Variants in ASIC1 observed in about 807,000 individuals in gnomAD.
The protein encoded by ASIC1 is acid sensing ion channel subunit 1.
In ASIC1, 21 loss-of-function variants were observed where a neutral mutation model predicts 63.4. The observed-to-expected ratio is 0.33, with a 90% CI of 0.23 to 0.48. The LOEUF (loss-of-function observed/expected upper bound fraction) is 0.48, where lower values mean the gene tolerates loss of function less well. Ranked by LOEUF, ASIC1 falls within the 20% of genes least tolerant of loss-of-function variation. ASIC1 has a pLI of 0.99. For synonymous variants in ASIC1, 258 were observed against 278.2 expected (o/e 0.93, Z 0.72); for missense variants, 478 against 695.5 (o/e 0.69, Z 3.52).
At chr12:50,069,586 G>A (rs1565727991) in intron 3 of ASIC1, among the ~76,000 whole-genome samples, 1 of 152,090 alleles carries the variant, frequency 6.6e-6, no homozygotes, top group East Asian at 1.9e-4. Context: ...AAGCCACCGC[G>A]CCCAGCCTCC....
At chr12:50,079,490 G>C (rs1404216865) in intron 7 of ASIC1, among the ~76,000 whole-genome samples, 1 of 152,158 alleles carries the variant, frequency 6.6e-6, no homozygotes, top group African/African-American at 2.4e-5. Context: ...AGGTCACCTG[G>C]GAATGGCCTT....
At chr12:50,061,822 G>A (rs564328166) in intron 3 of ASIC1, among the ~76,000 whole-genome samples, 2 of 152,336 alleles carry the variant, frequency 1.3e-5, no homozygotes, top group South Asian at 2.1e-4. Context: ...ACACTGAGAT[G>A]TGATTGGTCC....
At position 50,078,937 on chromosome 12, in the gene ASIC1, C is replaced by G; in HGVS notation, c.1008C>G (p.Tyr336Ter). The part of the protein sequence containing the change: ...RMVHMPGDAP[Y>*]CTPEQYKECA... ...TCTCCTCTGTAGGGGATGCCCCATA[C>G]TGTACTCCAGAGCAGTACAAGGAGT... Residue 336 changes from tyrosine to a stop codon, truncating the protein, a stop_gained, in exon 7 of 12, where the codon TAC becomes TAG. Transcript: ENST00000447966. LOFTEE classifies it high-confidence loss of function. This position sits in a 1 kb window ranked among gnomAD's most constrained non-coding sequence, Gnocchi z 6.0. 1 of 1,614,026 alleles carries G rather than the reference C, an allele frequency of 6.2e-7. No homozygotes were observed. The highest frequency in any genetic ancestry group is 8.5e-7 in the Non-Finnish European group (1 of 1,179,954).
intron 3 of ASIC1, among the ~76,000 whole-genome samples, chr12:50,071,909 T>C (rs199824381): frequency 6.6e-6 from 1 of 152,088 alleles, no homozygotes; most frequent in Non-Finnish European, 1.5e-5. Flanking sequence ...TGAGAGGCTG[T>C]TGTTTAGGCA....
At chr12:50,065,380 G>C (rs1312453747) in intron 3 of ASIC1, among the ~76,000 whole-genome samples, 3 of 152,134 alleles carry the variant, frequency 2.0e-5, no homozygotes, top group African/African-American at 4.8e-5. Flanking sequence ...TCTCTATTTT[G>C]GGCAAAGTTC....
In ASIC1 at chr12:50,077,333, G is replaced by A; in HGVS notation, c.679G>A (p.Asp227Asn). ...GLEIMLDIQQDEYLPVWGETD... is the reference protein window; with the variant it reads ...GLEIMLDIQQNEYLPVWGETD... ...GGAAATCATGCTGGACATCCAGCAG[G>A]ACGAGTACCTGCCTGTGTGGGGGGA... The change falls in exon 4 of 12, where the codon GAC becomes AAC. Residue 227 changes from aspartate to asparagine, a missense_variant. By Grantham distance (23) the Asp-to-Asn change is conservative. Transcript: ENST00000447966. The A allele has an allele frequency of 6.2e-7, 1 of 1,614,220 alleles. No homozygotes were observed. Among genetic ancestry groups the A allele is most frequent in the East Asian group, 2.2e-5 (1 of 44,884 alleles).
In ASIC1 at chr12:50,057,630, T is replaced by C. The variant is rs1950456459; in HGVS notation, c.-303T>C. On this transcript the variant is annotated 5_prime_UTR_variant, in exon 1 of 12. An upstream start codon of the reference 5' UTR is lost. Coordinates refer to ENST00000447966, the MANE Select transcript of ASIC1 (RefSeq NM_001095.4). The surrounding 1 kb of genome is among the most constrained non-coding windows in gnomAD (Gnocchi z 4.7). ...CTCCCGCCGCCTCCCGGCCGGACGATGGATCCCTGCAGATCCCAGGGCTGA... is the reference window on the plus strand; with the variant it reads ...CTCCCGCCGCCTCCCGGCCGGACGACGGATCCCTGCAGATCCCAGGGCTGA... 1 of 151,752 alleles carries C rather than the reference T, an allele frequency of 6.6e-6. No individual in the cohort carries two copies. Among genetic ancestry groups the C allele is most frequent in the Admixed American group, 6.6e-5 (1 of 15,218 alleles). The allele number at this position is 151,752 out of a possible 1,614,324, so 9.4% of individuals were successfully genotyped here.
chr12:50,077,683 G>A (rs1292979584), intron 4 of ASIC1, among the ~76,000 whole-genome samples: 1 of 151,998 alleles, frequency 6.6e-6, no homozygotes, highest in African/African-American at 2.4e-5. Flanking sequence ...AGAGATGGGG[G>A]AAAAGGGAAA....
At chr12:50,079,062 C>T in intron 7 of ASIC1, 82 bp downstream of exon 7, 1 of 1,388,350 alleles carries the variant, frequency 7.2e-7, no homozygotes, top group Non-Finnish European at 1.0e-6. Context: ...GGTCACGCTC[C>T]CAGAAGCCTC....
chr12:50,059,246 C>G lies in ASIC1; in HGVS notation c.362+118C>G. 7.2e-7 allele frequency: 1 copy of G among 1,397,398 alleles called. No individual in the cohort carries two copies. Among genetic ancestry groups the G allele is most frequent in the Non-Finnish European group, 9.6e-7 (1 of 1,044,074 alleles). The allele number at this position is 1,397,398 out of a possible 1,614,324, so 86.6% of individuals were successfully genotyped here. ...CCAACCCTGCCCTTTAACCCACCCCCACCCCCAAACCTGCCACTCACAGCA... is the reference window on the plus strand; with the variant it reads ...CCAACCCTGCCCTTTAACCCACCCCGACCCCCAAACCTGCCACTCACAGCA... On this transcript the variant is annotated intron_variant, in intron 2 of 11. Transcript: ENST00000447966. The surrounding 1 kb of genome is among the most constrained non-coding windows in gnomAD (Gnocchi z 4.6).
At chr12:50,063,774 G>A (rs769399663) in intron 3 of ASIC1, among the ~76,000 whole-genome samples, 4 of 152,124 alleles carry the variant, frequency 2.6e-5, no homozygotes, top group Non-Finnish European at 5.9e-5. Flanking sequence ...GACCCAAAGT[G>A]GGGAGAGAGA....
At position 50,078,279 on chromosome 12, in the gene ASIC1, C is replaced by G; in HGVS notation, c.838-142C>G. ...ATGAGTGATCGAATGAACAAGAATGCTCTGTAAACTCTGAGACCTTTGGAG... is the reference window on the plus strand; with the variant it reads ...ATGAGTGATCGAATGAACAAGAATGGTCTGTAAACTCTGAGACCTTTGGAG... On this transcript the variant is annotated intron_variant, in intron 5 of 11. Transcript: ENST00000447966. This position sits in a 1 kb window ranked among gnomAD's most constrained non-coding sequence, Gnocchi z 6.0. 1.3e-6 allele frequency: 2 copies of G among 1,499,744 alleles called. No homozygotes were observed. Among genetic ancestry groups the G allele is most frequent in the Non-Finnish European group, 1.8e-6 (2 of 1,110,728 alleles). The allele number at this position is 1,499,744 out of a possible 1,614,324, so 92.9% of individuals were successfully genotyped here.
rs376243221 is a variant in ASIC1, at chr12:50,078,920, G to A, written c.995-4G>A. On this transcript the variant is annotated splice_polypyrimidine_tract_variant and splice_region_variant and intron_variant, in intron 6 of 11. Coordinates refer to ENST00000447966, the MANE Select transcript of ASIC1 (RefSeq NM_001095.4). This position sits in a 1 kb window ranked among gnomAD's most constrained non-coding sequence, Gnocchi z 6.0. ...CCTGCATCATTGTCTTTTCTCCTCT[G>A]TAGGGGATGCCCCATACTGTACTCC... is the stretch of plus-strand genomic sequence containing the variant. The A allele has an allele frequency of 6.2e-7, 1 of 1,613,862 alleles. No homozygotes were observed. The highest frequency in any genetic ancestry group is 1.7e-5 in the Admixed American group (1 of 60,014).
At chr12:50,062,183 A>G (rs952280147) in intron 3 of ASIC1, among the ~76,000 whole-genome samples, 3 of 151,670 alleles carry the variant, frequency 2.0e-5, no homozygotes, top group Non-Finnish European at 4.4e-5. Flanking sequence ...CATGTCTGAC[A>G]CCTCCCCGGT....
In ASIC1 at chr12:50,059,135, G is replaced by T. The variant is rs767328195; in HGVS notation, c.362+7G>T. ...TGGCCCTGCTCAACAACAGGTGGGT[G>T]GCTCCCACCCTCCCTCAGCCCTGCT... On this transcript the variant is annotated splice_region_variant and intron_variant, in intron 2 of 11. Coordinates refer to ENST00000447966, the MANE Select transcript of ASIC1 (RefSeq NM_001095.4). This position sits in a 1 kb window ranked among gnomAD's most constrained non-coding sequence, Gnocchi z 4.6. The T allele has an allele frequency of 6.2e-7, 1 of 1,611,492 alleles. No individual in the cohort carries two copies. Among genetic ancestry groups the T allele is most frequent in the Non-Finnish European group, 8.5e-7 (1 of 1,178,870 alleles).
intron 4 of ASIC1, among the ~76,000 whole-genome samples, chr12:50,077,659 G>A (rs1290771917): frequency 1.3e-5 from 2 of 152,066 alleles, no homozygotes; most frequent in South Asian, 2.1e-4. Flanking sequence ...GTCTCGGGGG[G>A]CCTTGGGGCA....
At position 50,081,242 on chromosome 12, in the gene ASIC1, G is replaced by GACCCGT. The variant is rs1950713497; in HGVS notation, c.1378-18_1378-17insACCCGT. 1 of 1,605,124 alleles carries GACCCGT rather than the reference G, an allele frequency of 6.2e-7. No individual in the cohort carries two copies. The highest frequency in any genetic ancestry group is 2.2e-5 in the East Asian group (1 of 44,482). Reference sequence around the variant, plus strand: ...GGGGCGGGGTCCAGCCCGCCCACCTGCCCCGTCCCCGTCCTAGGTCATTAA... The same window carrying GACCCGT: ...GGGGCGGGGTCCAGCCCGCCCACCTGACCCGTCCCCGTCCCCGTCCTAGGTCATTAA... On this transcript the variant is annotated splice_polypyrimidine_tract_variant and intron_variant, in intron 10 of 11. Coordinates refer to ENST00000447966, the MANE Select transcript of ASIC1 (RefSeq NM_001095.4).
At chr12:50,079,009 G>A (rs368286426) in intron 7 of ASIC1, 29 bp downstream of exon 7, 2 of 1,609,152 alleles carry the variant, frequency 1.2e-6, no homozygotes, top group African/African-American at 1.3e-5. Flanking sequence ...GGGCAGTCTG[G>A]GGGAGGGAAA....
At chr12:50,073,488 GCTCTGCCGGA>G in intron 3 of ASIC1, 4 of 1,428,528 alleles carry the variant, frequency 2.8e-6, no homozygotes, top group Non-Finnish European at 3.7e-6. Context: ...TGGGTGGCTG[GCTCTGCCGGA>G]CTCTGCCTGG....
Sources: allele counts gnomAD v4.1 joint callset (sites outside exome capture counted in the v4.1 genomes callset), GRCh38; gene constraint gnomAD v4.1.1; non-coding constraint Gnocchi (gnomAD v3.1); transcripts MANE v1.5; gene names NCBI Gene and HGNC (gene_info 2026-07-23, HGNC 2026-07-21).